Variants in PRORP observed in about 807,000 individuals in gnomAD.
PRORP encodes the protein protein only RNase P catalytic subunit, also known as mitochondrial ribonuclease P catalytic subunit.
Under a neutral mutation model 59.4 loss-of-function variants are expected in PRORP, and 51 were observed. The observed-to-expected ratio is 0.86, with a 90% CI of 0.69 to 1.08. PRORP has a LOEUF of 1.08. Among genes scored for constraint, PRORP ranks in the 50% least tolerant of loss-of-function variants. PRORP has a pLI of 0.00. For missense variants in PRORP, 646 were observed against 690.3 expected (o/e 0.94, Z 0.72); for synonymous variants, 231 against 245.6 (o/e 0.94, Z 0.55).
At chr14:35,230,343 C>T (rs985499746) in intron 5 of PRORP, among the ~76,000 whole-genome samples, 1 of 152,226 alleles carries the variant, frequency 6.6e-6, no homozygotes, top group Admixed American at 6.5e-5. Flanking sequence ...TGAGCCACCA[C>T]GCCCAACCCA....
intron 4 of PRORP, among the ~76,000 whole-genome samples, chr14:35,133,859 C>G (rs775002159): frequency 8.5e-5 from 13 of 152,208 alleles, no homozygotes; most frequent in African/African-American, 1.7e-4. Flanking sequence ...TCTGAGCCAC[C>G]TGGAGCTGAG....
At chr14:35,187,378 T>G (rs2048766252) in intron 5 of PRORP, among the ~76,000 whole-genome samples, 1 of 152,056 alleles carries the variant, frequency 6.6e-6, no homozygotes, top group African/African-American at 2.4e-5. Flanking sequence ...CTTTTTTTGT[T>G]TGTTTTGGTC....
intron 5 of PRORP, among the ~76,000 whole-genome samples, chr14:35,262,249 C>G (rs917580989): frequency 6.6e-6 from 1 of 152,022 alleles, no homozygotes; most frequent in Non-Finnish European, 1.5e-5. Flanking sequence ...TGGCCTCAAG[C>G]AGTCCTCCTG....
intron 5 of PRORP, among the ~76,000 whole-genome samples, chr14:35,223,456 CTTT>C (rs5807819): frequency 2.3e-3 from 187 of 81,434 alleles, no homozygotes; most frequent in African/African-American, 7.2e-3. Context: ...TAGACTTTAA[CTTT>C]TTTTTTTTTT....
At chr14:35,188,387 C>T (rs2048796303) in intron 5 of PRORP, among the ~76,000 whole-genome samples, 1 of 151,244 alleles carries the variant, frequency 6.6e-6, no homozygotes, top group Non-Finnish European at 1.5e-5. Context: ...GATGGGGTTT[C>T]ACCATGTTGG....
At chr14:35,133,565 C>T (rs1374411176) in intron 4 of PRORP, among the ~76,000 whole-genome samples, 1 of 152,038 alleles carries the variant, frequency 6.6e-6, no homozygotes, top group Non-Finnish European at 1.5e-5. Context: ...GTCTTGATAC[C>T]ATGTCTGGGC....
chr14:35,215,784 G>A (rs1360098878), intron 5 of PRORP, among the ~76,000 whole-genome samples: 1 of 151,216 alleles, frequency 6.6e-6, no homozygotes, highest in Non-Finnish European at 1.5e-5. Flanking sequence ...TTTTTCTTGG[G>A]GGGACAGGGT....
At chr14:35,188,551 A>G (rs1012395962) in intron 5 of PRORP, among the ~76,000 whole-genome samples, 5 of 151,612 alleles carry the variant, frequency 3.3e-5, no homozygotes, top group African/African-American at 7.3e-5. Flanking sequence ...ATCTCTAAGT[A>G]TTTTCTCCCA....
intron 5 of PRORP, among the ~76,000 whole-genome samples, chr14:35,262,274 A>G (rs1594354397): frequency 6.6e-6 from 1 of 152,112 alleles, no homozygotes; most frequent in Non-Finnish European, 1.5e-5. Flanking sequence ...AGCATCCCAA[A>G]GTGCTGGGAT....
chr14:35,140,996 A>C (rs1566451400), intron 4 of PRORP, among the ~76,000 whole-genome samples: 1 of 146,040 alleles, frequency 6.8e-6, no homozygotes, highest in Non-Finnish European at 1.5e-5. Flanking sequence ...TAAAATATTA[A>C]ACTGAAAGAT....
chr14:35,249,227 A>G (rs1238177233), intron 5 of PRORP, among the ~76,000 whole-genome samples: 1 of 152,154 alleles, frequency 6.6e-6, no homozygotes, highest in Non-Finnish European at 1.5e-5. Context: ...ACCCAGGACA[A>G]TTAATTCCAG....
At chr14:35,161,275 C>G (rs1223333328) in intron 4 of PRORP, among the ~76,000 whole-genome samples, 1 of 152,170 alleles carries the variant, frequency 6.6e-6, no homozygotes, top group Non-Finnish European at 1.5e-5. Context: ...TGAGTCCTTA[C>G]AATAGCCCTT....
At chr14:35,153,136 C>T (rs150180493) in intron 4 of PRORP, among the ~76,000 whole-genome samples, 363 of 152,370 alleles carry the variant, frequency 2.4e-3, no homozygotes, top group Non-Finnish European at 4.1e-3. Context: ...CGTCTCAATC[C>T]CGGCACCTCG....
chr14:35,232,965 G>A lies in PRORP; in HGVS notation c.1276-33762G>A, dbSNP rs1039258738. On this transcript the variant is annotated intron_variant, in intron 5 of 7. Coordinates refer to ENST00000534898, the MANE Select transcript of PRORP (RefSeq NM_014672.4). ...TGGGATTGCAGGCATGAGCCACTGC[G>A]CCCAGCCCTCCTTCCTCTTTTACAA... 5.3e-5 allele frequency among the ~76,000 whole-genome samples: 8 copies of A among 152,228 alleles called. No homozygotes were observed. In the South Asian group the frequency reaches 8.3e-4, roughly 16 times the overall value.
chr14:35,220,260 A>T lies in PRORP; in HGVS notation c.1275+39483A>T, dbSNP rs1420251529. Among the ~76,000 whole-genome samples the T allele has an allele frequency of 2.0e-5, 3 of 152,348 alleles. No homozygotes were observed. The South Asian group carries it at 6.2e-4, about 32-fold the overall frequency. On this transcript the variant is annotated intron_variant, in intron 5 of 7. Transcript: ENST00000534898. ...AACAAGGAGTTTCAGGTTTGTAGTC[A>T]TGACACATTCGTCATTTTATGTCAA...
At chr14:35,169,986 C>T (rs1158950454) in intron 4 of PRORP, among the ~76,000 whole-genome samples, 2 of 152,092 alleles carry the variant, frequency 1.3e-5, no homozygotes, top group East Asian at 3.8e-4. Context: ...TTCCTTTATC[C>T]ACATCTTGAA....
chr14:35,218,590 G>A (rs1193989101), intron 5 of PRORP, among the ~76,000 whole-genome samples: 3 of 129,616 alleles, frequency 2.3e-5, no homozygotes, highest in Non-Finnish European at 3.1e-5. Context: ...GCAGCGGCGC[G>A]ATCTCAGCTC....
At chr14:35,200,580 T>C (rs1379313549) in intron 5 of PRORP, among the ~76,000 whole-genome samples, 1 of 151,934 alleles carries the variant, frequency 6.6e-6, no homozygotes, top group African/African-American at 2.4e-5. Flanking sequence ...AAATTAGTGT[T>C]ATATTATTTT....
intron 5 of PRORP, among the ~76,000 whole-genome samples, chr14:35,215,041 C>G (rs1566502106): frequency 6.6e-6 from 1 of 151,816 alleles, no homozygotes; most frequent in Non-Finnish European, 1.5e-5. Flanking sequence ...GAAAAATAAG[C>G]TCTGGTTAGG....
Sources: allele counts gnomAD v4.1 joint callset (sites outside exome capture counted in the v4.1 genomes callset), GRCh38; gene constraint gnomAD v4.1.1; transcripts MANE v1.5; gene names NCBI Gene and HGNC (gene_info 2026-07-23, HGNC 2026-07-21).